DDX42: variants seen among roughly 807,000 people sequenced by gnomAD.
DDX42 encodes DEAD-box helicase 42, also known as ATP-dependent RNA helicase DDX42.
DDX42 carries 22 observed loss-of-function variants against 101.5 expected under a neutral mutation model. That is an observed-to-expected ratio of 0.22 (90% confidence interval 0.15 to 0.31). The LOEUF (loss-of-function observed/expected upper bound fraction) is 0.31, where lower values mean the gene tolerates loss of function less well. DDX42 is among the 10% of genes least tolerant of loss of function. The probability of loss-of-function intolerance (pLI) is 1.00; values close to 1 mark genes in which losing one functional copy is unlikely to be tolerated. For missense variants in DDX42, 849 were observed against 1,199.9 expected, an observed-to-expected ratio of 0.71 and a Z score of 4.32; for synonymous variants, 402 against 401.2, an observed-to-expected ratio of 1.00 and a Z score of -0.02.
intron 3 of DDX42, among the ~76,000 whole-genome samples, chr17:63,795,571 GTC>G (rs2039683355): frequency 1.3e-5 from 2 of 152,312 alleles, no homozygotes; most frequent in Admixed American, 1.3e-4. Context: ...GCCTCAGGCA[GTC>G]TCTCCACCTT....
At chr17:63,790,077 G>A (rs1488284728) in intron 2 of DDX42, among the ~76,000 whole-genome samples, 1 of 152,082 alleles carries the variant, frequency 6.6e-6, no homozygotes. Context: ...GAGCCCAGGA[G>A]TCTGAGCTGC....
chr17:63,780,372 C>G (rs908154277), intron 1 of DDX42, among the ~76,000 whole-genome samples: 6 of 151,784 alleles, frequency 4.0e-5, no homozygotes, highest in Non-Finnish European at 8.8e-5. Context: ...GATGATCTGG[C>G]TTAGATTTAA....
Position 63,800,540 on chromosome 17 carries a change from G to A in DDX42, c.544G>A (p.Glu182Lys). The A allele has an allele frequency of 1.2e-6, 2 of 1,614,022 alleles. No homozygotes were observed. The highest frequency in any genetic ancestry group is 1.1e-5 in the South Asian group (1 of 91,064). ...VVQEEEEDNLEYDSDGNPIAP... is the reference protein window; with the variant it reads ...VVQEEEEDNLKYDSDGNPIAP... ...TCAGGAGGAAGAGGAAGACAATCTA[G>A]AATATGATAGTGACGGAAATCCAAT... The change falls in exon 6 of 18, where the codon GAA becomes AAA. Residue 182 changes from glutamate (E) to lysine (K), a missense_variant. Physicochemically the swap from Glu to Lys is moderately conservative, Grantham distance 56. Coordinates refer to ENST00000389924, the MANE Select transcript of DDX42 (RefSeq NM_203499.3).
At chr17:63,817,086 C>T (rs955522522) in intron 17 of DDX42, 120 bp downstream of exon 17, 3 of 727,850 alleles carry the variant, frequency 4.1e-6, no homozygotes, top group Non-Finnish European at 6.8e-6. Flanking sequence ...TTAGGGTCTT[C>T]ACGCTGCTTG....
At position 63,818,256 on chromosome 17, in the gene DDX42, G is replaced by C. The variant is rs542105191; in HGVS notation, c.2675G>C (p.Arg892Pro). 6.2e-7 allele frequency: 1 copy of C among 1,613,984 alleles called. No homozygotes were observed. Among genetic ancestry groups the C allele is most frequent in the South Asian group, 1.1e-5 (1 of 91,088 alleles). Residue 892 changes from arginine (R) to proline (P), a missense_variant, in exon 18 of 18, where the codon CGT becomes CCT. Arg to Pro is a moderately radical substitution (Grantham distance 103). This residue lies in a region of DDX42 where 300 missense variants were observed against 304.9 expected (regional missense o/e 0.98). Coordinates refer to ENST00000389924, the MANE Select transcript of DDX42 (RefSeq NM_203499.3). The stretch of plus-strand genomic sequence containing the variant: ...GAAAGCAGGAAAGAAGCTTTTAATC[G>C]TGAGAGCAAGATGGAGCCCAAGATG... ...NGESRKEAFNRESKMEPKMEP... is the reference protein window; with the variant it reads ...NGESRKEAFNPESKMEPKMEP...
chr17:63,779,987 C>T (rs1598320639), intron 1 of DDX42, among the ~76,000 whole-genome samples: 1 of 152,290 alleles, frequency 6.6e-6, no homozygotes, highest in East Asian at 1.9e-4. Flanking sequence ...TAACCATATA[C>T]ACTACATGGT....
chr17:63,817,823 G>A lies in DDX42; in HGVS notation c.2242G>A (p.Gly748Ser). The change falls in exon 18 of 18, where the codon GGC (glycine) becomes AGC (serine). Residue 748 changes from glycine to serine, a missense_variant. By Grantham distance (56) the Gly-to-Ser change is moderately conservative. Transcript: ENST00000389924. ...NSVPTNSAQQ[G>S]HNSPDSPVTS... The stretch of plus-strand genomic sequence containing the variant: ...TGTTCCAACTAACTCAGCACAACAG[G>A]GCCATAACAGTCCTGACAGCCCCGT... 3.7e-6 allele frequency: 6 copies of A among 1,614,148 alleles called. No individual in the cohort carries two copies. Among genetic ancestry groups the A allele is most frequent in the Non-Finnish European group, 5.1e-6 (6 of 1,180,034 alleles).
chr17:63,775,478 G>A (rs2039409247), intron 1 of DDX42, among the ~76,000 whole-genome samples: 1 of 152,150 alleles, frequency 6.6e-6, no homozygotes, highest in Admixed American at 6.6e-5. Flanking sequence ...AGCTGGAAAG[G>A]GGGTTGGGGA....
rs1407704065 is a variant in DDX42 at position 63,817,868 on chromosome 17, A to G, written c.2287A>G (p.Ile763Val). The change falls in exon 18 of 18, where the codon ATC (isoleucine) becomes GTC (valine). Residue 763 changes from isoleucine (I) to valine (V), a missense_variant. This residue lies in a region of DDX42 where 300 missense variants were observed against 304.9 expected (regional missense o/e 0.98). Transcript: ENST00000389924. The stretch of plus-strand genomic sequence containing the variant: ...CCCCGTCACCAGTGCCGCCAAGGGC[A>G]TCCCAGGCTTTGGCAATACTGGCAA... Reference protein sequence around the residue: ...DSPVTSAAKGIPGFGNTGNIS... With the variant: ...DSPVTSAAKGVPGFGNTGNIS... 1 of 1,614,250 alleles carries G rather than the reference A, an allele frequency of 6.2e-7. No individual in the cohort carries two copies. The highest frequency in any genetic ancestry group is 8.5e-7 in the Non-Finnish European group (1 of 1,180,038).
intron 1 of DDX42, among the ~76,000 whole-genome samples, chr17:63,780,433 T>C (rs961162954): frequency 6.6e-5 from 10 of 151,746 alleles, no homozygotes; most frequent in African/African-American, 2.4e-4. Flanking sequence ...TAAAATAGAG[T>C]TTTCATAAAT....
intron 1 of DDX42, chr17:63,776,018 T>C (rs1464481849): frequency 2.6e-5 from 4 of 152,214 alleles, no homozygotes; most frequent in Non-Finnish European, 5.9e-5. Flanking sequence ...AGTTTTTATT[T>C]AGATTCTCAT....
At chr17:63,809,419 C>T (rs1322939826) in intron 10 of DDX42, 141 bp from the exon 11 acceptor site, 2 of 632,792 alleles carry the variant, frequency 3.2e-6, no homozygotes, top group Non-Finnish European at 5.6e-6. Flanking sequence ...CTAAGTAGTG[C>T]ATAAGGTATG....
At chr17:63,804,134 T>C (rs1353247599) in intron 6 of DDX42, among the ~76,000 whole-genome samples, 1 of 152,082 alleles carries the variant, frequency 6.6e-6, no homozygotes, top group Non-Finnish European at 1.5e-5. Flanking sequence ...TATAGAATGC[T>C]TATATTTTTC....
chr17:63,812,913 T>C (rs1391005290), intron 14 of DDX42, among the ~76,000 whole-genome samples: 2 of 152,144 alleles, frequency 1.3e-5, no homozygotes. Flanking sequence ...TAATCCCAGC[T>C]ACTTGGAAAG....
intron 2 of DDX42, among the ~76,000 whole-genome samples, chr17:63,791,955 G>A (rs751175127): frequency 6.6e-6 from 1 of 151,902 alleles, no homozygotes; most frequent in Non-Finnish European, 1.5e-5. Context: ...GGCAAGGCAG[G>A]AGAATAGCTT....
chr17:63,782,132 G>A (rs1407544469), intron 1 of DDX42, among the ~76,000 whole-genome samples: 1 of 152,112 alleles, frequency 6.6e-6, no homozygotes, highest in Non-Finnish European at 1.5e-5. Context: ...ACAAAAATTA[G>A]CTGGGCACGG....
rs560495847 is a variant in DDX42 at position 63,818,323 on chromosome 17, C to G, written c.2742C>G (p.Ser914Arg). ...GCAGCAAGATGGACAAGGTGGACAGCAAGACAGATAAGACAGCTGACGGCT... is the reference window on the plus strand; with the variant it reads ...GCAGCAAGATGGACAAGGTGGACAGGAAGACAGATAAGACAGCTGACGGCT... The part of the protein sequence containing the change: ...VDSSKMDKVD[S>R]KTDKTADGFA... Residue 914 changes from serine to arginine, a missense_variant, in exon 18 of 18, where the codon AGC (serine) becomes AGG (arginine). Around this residue, in one of 5 missense-constraint regions of DDX42, gnomAD observed 300 missense variants for 304.9 expected, o/e 0.98. Coordinates refer to ENST00000389924, the MANE Select transcript of DDX42 (RefSeq NM_203499.3). The G allele has an allele frequency of 2.5e-6, 4 of 1,614,124 alleles. No individual in the cohort carries two copies. The South Asian group carries it at 4.4e-5, about 18-fold the overall frequency.
intron 6 of DDX42, 103 bp downstream of exon 6, chr17:63,800,720 G>A (rs543606931): frequency 4.4e-4 from 620 of 1,394,792 alleles, no homozygotes; most frequent in Non-Finnish European, 5.9e-4. Context: ...TACATCATGA[G>A]CGTATGCATC....
chr17:63,778,138 C>T (rs141541349), intron 1 of DDX42, among the ~76,000 whole-genome samples: 5 of 152,282 alleles, frequency 3.3e-5, no homozygotes, highest in African/African-American at 1.2e-4. Context: ...TCTGGTTCCA[C>T]GGTATTAACA....
Sources: gnomAD v4.1 joint callset for allele counts (sites outside exome capture counted in the v4.1 genomes callset) on GRCh38, gnomAD v4.1.1 for gene constraint, gnomAD v4.1.1 regional missense constraint, MANE v1.5 for transcripts, NCBI Gene and HGNC (gene_info 2026-07-23, HGNC 2026-07-21) for gene names.